Variants in EXOC6 observed in about 807,000 individuals in gnomAD.
EXOC6 encodes SEC15-like 1.
EXOC6 carries 60 observed loss-of-function variants against 112.5 expected under a neutral mutation model. That is an observed-to-expected ratio of 0.53 (90% CI 0.43 to 0.66). The LOEUF (loss-of-function observed/expected upper bound fraction) is 0.66, where lower values mean the gene tolerates loss of function less well. Among genes scored for constraint, EXOC6 ranks in the 30% least tolerant of loss-of-function variants. EXOC6 has a pLI of 0.00. For synonymous variants in EXOC6, 295 were observed against 308.0 expected (o/e 0.96, Z 0.44); for missense variants, 855 against 957.1 (o/e 0.89, Z 1.41).
intron 4 of EXOC6, among the ~76,000 whole-genome samples, chr10:92,896,716 C>T (rs11187204): frequency 0.033 from 4,951 of 151,412 alleles, 278 homozygotes; most frequent in African/African-American, 0.11. Context: ...CCACCATGCC[C>T]GGCTAATTTC....
intron 14 of EXOC6, among the ~76,000 whole-genome samples, chr10:92,951,357 G>T (rs1853402294): frequency 1.3e-5 from 2 of 152,166 alleles, no homozygotes; most frequent in Admixed American, 1.3e-4. Context: ...TTAAGTAATG[G>T]CTAGAGGAAA....
intron 18 of EXOC6, 120 bp downstream of exon 18, chr10:92,974,352 A>G: frequency 1.9e-6 from 1 of 537,720 alleles, no homozygotes; most frequent in East Asian, 3.4e-5. Flanking sequence ...TTTCTCCATT[A>G]TTATAAATCC....
At chr10:92,855,883 G>T (rs1251386271) in intron 1 of EXOC6, among the ~76,000 whole-genome samples, 2 of 150,288 alleles carry the variant, frequency 1.3e-5, no homozygotes, top group Non-Finnish European at 1.5e-5. Context: ...TCTTTTTTTT[G>T]AGATGAAGTC....
intron 1 of EXOC6, among the ~76,000 whole-genome samples, chr10:92,828,122 G>T (rs1846415794): frequency 6.6e-6 from 1 of 152,084 alleles, no homozygotes; most frequent in Non-Finnish European, 1.5e-5. Context: ...TCTGTTTGTT[G>T]ATCTCTCTAG....
intron 7 of EXOC6, 38 bp downstream of exon 7, chr10:92,915,951 A>G (rs199656026): frequency 4.3e-6 from 6 of 1,410,980 alleles, no homozygotes; most frequent in Middle Eastern, 2.2e-4. Context: ...TTATTAGATA[A>G]TTTTTTTTCT....
intron 4 of EXOC6, among the ~76,000 whole-genome samples, chr10:92,896,147 G>GTA (rs1337829493): frequency 0.027 from 656 of 24,436 alleles, 20 homozygotes; most frequent in Non-Finnish European, 0.034. Context: ...GTATGTATGT[G>GTA]TATATATATA....
chr10:92,830,182 G>A (rs968001567), upstream of EXOC6, among the ~76,000 whole-genome samples: 4 of 151,990 alleles, frequency 2.6e-5, no homozygotes, highest in Admixed American at 1.3e-4. Flanking sequence ...CTTCTTGTGC[G>A]AGATCCAAGA....
chr10:92,997,620 G>A lies in EXOC6; in HGVS notation c.2095+5G>A. ...TAGATGTCATACAGTGTGAATGTAA[G>A]TACTATATTGGTTTATTCTTATGTA... On this transcript the variant is annotated splice_donor_5th_base_variant and intron_variant, in intron 19 of 21. Transcript: ENST00000260762. The A allele has an allele frequency of 1.3e-6, 2 of 1,599,034 alleles. No individual in the cohort carries two copies. Among genetic ancestry groups the A allele is most frequent in the South Asian group, 2.3e-5 (2 of 88,094 alleles).
chr10:92,996,266 G>A (rs112492499), intron 18 of EXOC6, among the ~76,000 whole-genome samples: 1,709 of 152,218 alleles, frequency 0.011, 19 homozygotes, highest in Non-Finnish European at 0.016. Flanking sequence ...TCAGTTGAAG[G>A]TAGCCATCCT....
intron 8 of EXOC6, among the ~76,000 whole-genome samples, chr10:92,926,047 CTT>C (rs1274350417): frequency 1.6e-5 from 2 of 124,744 alleles, no homozygotes; most frequent in Non-Finnish European, 3.4e-5. Flanking sequence ...TTAGGGTGGA[CTT>C]TTTAAAAAAA....
chr10:93,014,336 T>TA, intron 20 of EXOC6, 69 bp downstream of exon 20: 5 of 1,169,386 alleles, frequency 4.3e-6, no homozygotes, highest in African/African-American at 1.5e-5. Flanking sequence ...TTTTTTTTTT[T>TA]ATTAATGCTA....
intron 2 of EXOC6, 79 bp downstream of exon 2, chr10:92,893,599 T>C (rs1849611049): frequency 8.4e-7 from 1 of 1,187,052 alleles, no homozygotes; most frequent in South Asian, 1.6e-5. Context: ...TATGTACAAG[T>C]CATTATTAAG....
Position 92,894,781 on chromosome 10 carries a change from T to TTA in EXOC6, c.274-12_274-11dup. ...GCATATTTGTCTAACTAAGGTGAAA[T>TTA]TAAATTTTTAAGGTGCAAGTTACTG... is the stretch of plus-strand genomic sequence containing the variant. On this transcript the variant is annotated splice_polypyrimidine_tract_variant and intron_variant, in intron 2 of 21. Transcript: ENST00000260762. 1.9e-6 allele frequency: 3 copies of TTA among 1,612,678 alleles called. No homozygotes were observed. Among genetic ancestry groups the TTA allele is most frequent in the Non-Finnish European group, 2.5e-6 (3 of 1,179,090 alleles).
intron 20 of EXOC6, among the ~76,000 whole-genome samples, chr10:93,038,101 AT>A (rs565946149): frequency 0.13 from 18,581 of 145,868 alleles, 1,317 homozygotes; most frequent in African/African-American, 0.18. Context: ...TTGACTGGAA[AT>A]TTTTTTTTTT....
In EXOC6 at chr10:92,943,024, A is replaced by AT. The variant is rs202118303; in HGVS notation, c.1310+2215dup. ...TCTTCCAGATCATGCTTTTTGCCTA[A>AT]TTTTTTTTTTTTTTTGAGACGGAGT... On this transcript the variant is annotated intron_variant, in intron 13 of 21. Coordinates refer to ENST00000260762, the MANE Select transcript of EXOC6 (RefSeq NM_019053.6). Among the ~76,000 whole-genome samples the AT allele has an allele frequency of 8.5e-3, 1,230 of 144,148 alleles. 11 individuals are homozygous for AT. The highest frequency in any genetic ancestry group is 0.022 in the African/African-American group (856 of 39,526). The allele number at this position is 144,148 out of a possible 152,430, so 94.6% of individuals were successfully genotyped here. A position where few individuals can be genotyped will look rare whatever the true frequency, so the allele number is the denominator to read the frequency against.
intron 1 of EXOC6, among the ~76,000 whole-genome samples, chr10:92,879,564 A>G (rs1848846719): frequency 6.7e-6 from 1 of 149,000 alleles, no homozygotes; most frequent in African/African-American, 2.4e-5. Flanking sequence ...TCTAACATGA[A>G]TAAATCATAA....
At chr10:92,842,223 G>T (rs1252864742) in intron 1 of EXOC6, among the ~76,000 whole-genome samples, 1 of 151,996 alleles carries the variant, frequency 6.6e-6, no homozygotes, top group Admixed American at 6.6e-5. Context: ...GCCGAGTGTG[G>T]TGGTGCACGC....
At chr10:93,013,607 C>CA (rs887305825) in intron 19 of EXOC6, among the ~76,000 whole-genome samples, 25 of 151,338 alleles carry the variant, frequency 1.7e-4, no homozygotes, top group African/African-American at 6.1e-4. Context: ...GACTCCGTCT[C>CA]AAAAAAAATA....
At chr10:92,975,368 G>C (rs1842484119) in intron 18 of EXOC6, among the ~76,000 whole-genome samples, 1 of 149,972 alleles carries the variant, frequency 6.7e-6, no homozygotes, top group Non-Finnish European at 1.5e-5. Flanking sequence ...CCCTCCGCCC[G>C]GCAGCCGCCC....
Sources: allele counts gnomAD v4.1 joint callset (sites outside exome capture counted in the v4.1 genomes callset), GRCh38; gene constraint gnomAD v4.1.1; transcripts MANE v1.5; gene names NCBI Gene and HGNC (gene_info 2026-07-23, HGNC 2026-07-21).